GPS2: variants seen among roughly 807,000 people sequenced by gnomAD.
GPS2 encodes the protein GPS-2.
In GPS2, 22 loss-of-function variants were observed where a neutral mutation model predicts 48.1. The ratio of observed to expected loss-of-function variants is 0.46; its 90% CI spans 0.33 to 0.65. The LOEUF is 0.65. Among genes scored for constraint, GPS2 ranks in the 30% least tolerant of loss-of-function variants. The pLI is 0.03. For synonymous variants in GPS2, 202 were observed against 142.5 expected, an observed-to-expected ratio of 1.42 and a Z score of -2.98; for missense variants, 366 against 406.8, an observed-to-expected ratio of 0.90 and a Z score of 0.86.
chr17:7,314,096 A>G lies in GPS2; in HGVS notation c.381T>C (p.His127=), dbSNP rs1438278292. The G allele has an allele frequency of 1.2e-6, 2 of 1,613,852 alleles. No individual in the cohort carries two copies. The highest frequency in any genetic ancestry group is 1.1e-5 in the South Asian group (1 of 91,046). The change falls in exon 5 of 11, where the codon CAT becomes CAC. Residue 127 remains histidine, a synonymous_variant. Coordinates refer to ENST00000380728, the MANE Select transcript of GPS2 (RefSeq NM_004489.5). ...QQSLTVHTGT[H]LLSMQGSPGG... The stretch of plus-strand genomic sequence containing the variant: ...AGTCCTCACCCTGCATGCTGAGGAG[A>G]TGAGTTCCTGTGTGAACAGTCAGGC...
Position 7,314,173 on chromosome 17 carries a change from AAGAC to A in GPS2, c.318-18_318-15del. 1 of 1,608,740 alleles carries A rather than the reference AAGAC, an allele frequency of 6.2e-7. No homozygotes were observed. The highest frequency in any genetic ancestry group is 8.5e-7 in the Non-Finnish European group (1 of 1,176,752). On this transcript the variant is annotated splice_polypyrimidine_tract_variant and intron_variant, in intron 4 of 10. Transcript: ENST00000380728. ...GTGGTCAGGTCACTGGAGTGAAAGG[AAGAC>A]AGGTCAAAGTCAAGGACAGATGCCT...
Position 7,314,115 on chromosome 17 carries a change from G to A in GPS2, c.362C>T (p.Thr121Ile). 1 of 1,614,146 alleles carries A rather than the reference G, an allele frequency of 6.2e-7. No homozygotes were observed. Among genetic ancestry groups the A allele is most frequent in the Non-Finnish European group, 8.5e-7 (1 of 1,179,990 alleles). Residue 121 changes from threonine to isoleucine, a missense_variant, in exon 5 of 11, where the codon ACT becomes ATT. By Grantham distance (89) the Thr-to-Ile change is moderately conservative. Around this residue, in one of 3 missense-constraint regions of GPS2, gnomAD observed 275 missense variants for 282.3 expected, o/e 0.97. Coordinates refer to ENST00000380728, the MANE Select transcript of GPS2 (RefSeq NM_004489.5). ...LTSAAYQQSL[T>I]VHTGTHLLSM... is the part of the protein sequence containing the mutation. ...GAGGAGATGAGTTCCTGTGTGAACA[G>A]TCAGGCTCTGCTGGTATGCAGCTGA...
rs752143151 is a variant in GPS2 at position 7,313,898 on chromosome 17, A to C, written c.480+8T>G. 4 of 1,612,300 alleles carry C rather than the reference A, an allele frequency of 2.5e-6. No homozygotes were observed. In the South Asian group the frequency reaches 3.3e-5, roughly 13 times the overall value. On this transcript the variant is annotated splice_region_variant and intron_variant, in intron 6 of 10. Transcript: ENST00000380728. ...TACTAGGGGCTAGGCATCCAATCCTACTCTCACCGTAAGCACTTGGGGTCC... is the reference window on the plus strand; with the variant it reads ...TACTAGGGGCTAGGCATCCAATCCTCCTCTCACCGTAAGCACTTGGGGTCC...
intron 6 of GPS2, 48 bp downstream of exon 6, chr17:7,313,858 A>G (rs2072899377): frequency 1.3e-6 from 2 of 1,575,190 alleles, no homozygotes; most frequent in Non-Finnish European, 1.7e-6. Flanking sequence ...GGTGGCAAGG[A>G]TGCATGGATG....
At chr17:7,313,317 G>C (rs374937018) in intron 8 of GPS2, 26 bp from the exon 9 acceptor site, 173 of 1,612,272 alleles carry the variant, frequency 1.1e-4, no homozygotes, top group Non-Finnish European at 1.4e-4. Context: ...GGGCATGTGA[G>C]ATGAGAATGA....
At position 7,314,411 on chromosome 17, in the gene GPS2, G is replaced by C. The variant is rs145613623; in HGVS notation, c.205-8C>G. On this transcript the variant is annotated splice_region_variant and splice_polypyrimidine_tract_variant and intron_variant, in intron 3 of 10. Transcript: ENST00000380728. ...CTCCTCCAACTTCAGAATCTGGGATGGGGTGGGAAAAGAAGATGAAGGCAG... is the reference window on the plus strand; with the variant it reads ...CTCCTCCAACTTCAGAATCTGGGATCGGGTGGGAAAAGAAGATGAAGGCAG... The C allele has an allele frequency of 6.2e-7, 1 of 1,614,118 alleles. No individual in the cohort carries two copies. Among genetic ancestry groups the C allele is most frequent in the Admixed American group, 1.7e-5 (1 of 60,018 alleles).
At position 7,314,945 on chromosome 17, in the gene GPS2, T is replaced by C. The variant is rs765989189; in HGVS notation, c.94+14A>G. 7.0e-6 allele frequency: 11 copies of C among 1,565,312 alleles called. No homozygotes were observed. The South Asian group carries it at 1.1e-4, about 15-fold the overall frequency. On this transcript the variant is annotated intron_variant, in intron 2 of 10. Transcript: ENST00000380728. ...TTCTGGGCCGTGCGTCCCCCTGCTA[T>C]GGCCCCGGCTCACCCTGCCGCTTGC...
Position 7,313,974 on chromosome 17 carries a change from G to GTCC in GPS2, c.409_411dup (p.Gly137dup). On this transcript the variant is annotated inframe_insertion, in exon 6 of 11. Transcript: ENST00000380728. ...GCCATGAGGGTGCCTGGGCGATTGTGTCCTCCAGGGCTCCCTAGAAAGGGA... is the reference window on the plus strand; with the variant it reads ...GCCATGAGGGTGCCTGGGCGATTGTGTCCTCCTCCAGGGCTCCCTAGAAAGGGA... 1 of 1,613,920 alleles carries GTCC rather than the reference G, an allele frequency of 6.2e-7. No individual in the cohort carries two copies. Among genetic ancestry groups the GTCC allele is most frequent in the Non-Finnish European group, 8.5e-7 (1 of 1,179,834 alleles).
chr17:7,315,268 C>T, intron 1 of GPS2, 63 bp downstream of exon 1: 1 of 327,280 alleles, frequency 3.1e-6, no homozygotes, highest in Non-Finnish European at 5.5e-6. Context: ...CGGGCGGCGC[C>T]GGGGTCCCCG....
rs769651838 is a variant in GPS2 at position 7,314,119 on chromosome 17, G to C, written c.358C>G (p.Leu120Val). Residue 120 changes from leucine (L) to valine (V), a missense_variant, in exon 5 of 11, where the codon CTG becomes GTG. Leu to Val is a conservative substitution (Grantham distance 32, BLOSUM62 1). This residue lies in a region of GPS2 where 275 missense variants were observed against 282.3 expected (regional missense o/e 0.97). Transcript: ENST00000380728. ...TLTSAAYQQSLTVHTGTHLLS... is the reference protein window; with the variant it reads ...TLTSAAYQQSVTVHTGTHLLS... ...AGATGAGTTCCTGTGTGAACAGTCA[G>C]GCTCTGCTGGTATGCAGCTGATGTT... 1 of 1,614,154 alleles carries C rather than the reference G, an allele frequency of 6.2e-7. No homozygotes were observed. Among genetic ancestry groups the C allele is most frequent in the Admixed American group, 1.7e-5 (1 of 60,026 alleles).
chr17:7,315,230 G>A (rs2072923216), intron 1 of GPS2, 101 bp downstream of exon 1: 3 of 350,478 alleles, frequency 8.6e-6, no homozygotes, highest in East Asian at 4.5e-5. Flanking sequence ...CCACCCGGCC[G>A]GGACCGCAGC....
rs1255396149 is a variant in GPS2, at chr17:7,313,655, T to C, written c.547A>G (p.Ser183Gly). The C allele has an allele frequency of 6.2e-7, 1 of 1,614,178 alleles. No individual in the cohort carries two copies. The highest frequency in any genetic ancestry group is 8.5e-7 in the Non-Finnish European group (1 of 1,180,014). ...GTPEHGQFQG[S>G]PGGAYGTAQP... ...GCAGTCCCATAGGCACCACCAGGACTGCCTTGGAATTGTCCATGCTCTGGT... is the reference window on the plus strand; with the variant it reads ...GCAGTCCCATAGGCACCACCAGGACCGCCTTGGAATTGTCCATGCTCTGGT... The change falls in exon 7 of 11, where the codon AGT (serine) becomes GGT (glycine). Residue 183 changes from serine to glycine, a missense_variant. Ser to Gly is a moderately conservative substitution (Grantham distance 56). This residue lies in a region of GPS2 where 275 missense variants were observed against 282.3 expected (regional missense o/e 0.97). Coordinates refer to ENST00000380728, the MANE Select transcript of GPS2 (RefSeq NM_004489.5).
At chr17:7,313,773 C>A (rs62059196) in intron 6 of GPS2, 52 bp from the exon 7 acceptor site, 1 of 1,602,698 alleles carries the variant, frequency 6.2e-7, no homozygotes, top group Non-Finnish European at 8.5e-7. Flanking sequence ...AGCTGAAACC[C>A]AGTGACTTGT....
In GPS2 at chr17:7,313,938, C is replaced by A; in HGVS notation, c.448G>T (p.Ala150Ser). The A allele has an allele frequency of 6.2e-7, 1 of 1,614,130 alleles. No homozygotes were observed. Among genetic ancestry groups the A allele is most frequent in the Non-Finnish European group, 8.5e-7 (1 of 1,180,016 alleles). The change falls in exon 6 of 11, where the codon GCC becomes TCC. Residue 150 changes from alanine (A) to serine (S), a missense_variant. Coordinates refer to ENST00000380728, the MANE Select transcript of GPS2 (RefSeq NM_004489.5). ...RPGTLMAADR[A>S]KQMFGPQVLT... is the part of the protein sequence containing the mutation. ...ACTTGGGGTCCAAACATTTGTTTGG[C>A]TCTGTCAGCTGCCATGAGGGTGCCT...
chr17:7,313,082 G>A lies in GPS2; in HGVS notation c.847C>T (p.Pro283Ser), dbSNP rs756358952. Residue 283 changes from proline to serine, a missense_variant, in exon 10 of 11, where the codon CCT (proline) becomes TCT (serine). Physicochemically the swap from Pro to Ser is moderately conservative, Grantham distance 74 (BLOSUM62 -1). Transcript: ENST00000380728. ...AGCTGGGGGGAAGCAAGGAGTCCAGGGGCTGGATGCAGAGCCTGGGGGTGC... is the reference window on the plus strand; with the variant it reads ...AGCTGGGGGGAAGCAAGGAGTCCAGAGGCTGGATGCAGAGCCTGGGGGTGC... ...PMHPQALHPA[P>S]GLLASPQLPV... 9 of 1,571,856 alleles carry A rather than the reference G, an allele frequency of 5.7e-6. No homozygotes were observed. The African/African-American group carries it at 1.2e-4, about 21-fold the overall frequency.
Position 7,313,307 on chromosome 17 carries a change from G to A in GPS2, c.725-16C>T. 1 of 1,613,470 alleles carries A rather than the reference G, an allele frequency of 6.2e-7. No individual in the cohort carries two copies. The highest frequency in any genetic ancestry group is 8.5e-7 in the Non-Finnish European group (1 of 1,179,370). On this transcript the variant is annotated splice_polypyrimidine_tract_variant and intron_variant, in intron 8 of 10. Coordinates refer to ENST00000380728, the MANE Select transcript of GPS2 (RefSeq NM_004489.5). ...TGGAGGAAACCTAGGTGGGGAAGAG[G>A]GGCATGTGAGATGAGAATGAAACAG...
Position 7,313,461 on chromosome 17 carries a change from C to T in GPS2, c.643G>A (p.Ala215Thr), listed in dbSNP as rs369293222. The change falls in exon 8 of 11, where the codon GCA (alanine) becomes ACA (threonine). Residue 215 changes from alanine to threonine, a missense_variant. Physicochemically the swap from Ala to Thr is moderately conservative, Grantham distance 58. Coordinates refer to ENST00000380728, the MANE Select transcript of GPS2 (RefSeq NM_004489.5). The part of the protein sequence containing the change: ...SPSQQLRAPS[A>T]FPAVQYLSQP... ...GATAGGTACTGCACTGCAGGGAATG[C>T]CGAAGGAGCTGAGAAAGGAAAAGAC... 6.8e-6 allele frequency: 11 copies of T among 1,613,984 alleles called. No homozygotes were observed. Among genetic ancestry groups the T allele is most frequent in the African/African-American group, 5.3e-5 (4 of 74,910 alleles).
chr17:7,314,041 A>G, intron 5 of GPS2, 39 bp downstream of exon 5: 1 of 1,611,288 alleles, frequency 6.2e-7, no homozygotes, highest in Non-Finnish European at 8.5e-7. Flanking sequence ...GTGACCTCCA[A>G]GAAGGCCGGT....
At position 7,312,774 on chromosome 17, in the gene GPS2, C is replaced by T. The variant is rs142252898; in HGVS notation, c.966G>A (p.Pro322=). 75 of 1,613,710 alleles carry T rather than the reference C, an allele frequency of 4.6e-5. No homozygotes were observed. Among genetic ancestry groups the T allele is most frequent in the Non-Finnish European group, 5.0e-5 (59 of 1,179,830 alleles). Residue 322 remains proline (P), a synonymous_variant, in exon 11 of 11, where the codon CCG becomes CCA. Transcript: ENST00000380728. Reference sequence around the variant, plus strand: ...CTGATGGTCACTTGTGGTAGAATCGCGGGTTCTGGCTGTGTTGGATGAAGG... The same window carrying T: ...CTGATGGTCACTTGTGGTAGAATCGTGGGTTCTGGCTGTGTTGGATGAAGG... The part of the protein sequence containing the change: ...RLPFIQHSQN[P]RFYHK
Sources: allele counts gnomAD v4.1 joint callset, GRCh38; gene constraint gnomAD v4.1.1; regional missense constraint gnomAD v4.1.1; transcripts MANE v1.5; gene names NCBI Gene and HGNC (gene_info 2026-07-23, HGNC 2026-07-21).